Variants in CAPZB observed in about 807,000 individuals in gnomAD.
CAPZB encodes the protein F-actin-capping protein subunit beta.
A neutral mutation model predicts 38.1 loss-of-function variants in CAPZB; 2 were observed. The observed-to-expected ratio is 0.05, with a 90% CI of 0.02 to 0.17. The LOEUF (loss-of-function observed/expected upper bound fraction) is 0.17. Among genes scored for constraint, CAPZB ranks in the 10% least tolerant of loss-of-function variants. The probability of loss-of-function intolerance (pLI) is 1.00; values close to 1 mark genes in which losing one functional copy is unlikely to be tolerated. For synonymous variants in CAPZB, 107 were observed against 127.4 expected (o/e 0.84, Z 1.08); for missense variants, 161 against 334.2 (o/e 0.48, Z 4.04).
intron 1 of CAPZB, among the ~76,000 whole-genome samples, chr1:19,459,097 C>G (rs927549003): frequency 6.6e-6 from 1 of 152,220 alleles, no homozygotes; most frequent in Non-Finnish European, 1.5e-5. Flanking sequence ...TTCCAAAGGC[C>G]TCCTCCACCT....
chr1:19,456,319 A>G (rs970152054), intron 1 of CAPZB, among the ~76,000 whole-genome samples: 1 of 152,220 alleles, frequency 6.6e-6, no homozygotes, highest in Admixed American at 6.5e-5. Flanking sequence ...GAAATTTTAA[A>G]ATAATCTGAA....
chr1:19,364,184 C>T (rs866784152), intron 4 of CAPZB, among the ~76,000 whole-genome samples: 26 of 152,324 alleles, frequency 1.7e-4, no homozygotes, highest in South Asian at 1.2e-3. Flanking sequence ...ATATTTGGCA[C>T]CAACACAGTG....
At chr1:19,355,444 G>A (rs141764707) in intron 6 of CAPZB, among the ~76,000 whole-genome samples, 1 of 148,646 alleles carries the variant, frequency 6.7e-6, no homozygotes, top group East Asian at 2.0e-4. Context: ...GCAGTGAACC[G>A]AGATCACACC....
chr1:19,366,311 A>ATATATATATATATATATATAT lies in CAPZB; in HGVS notation c.330-8749_330-8748insATATATATATATATATATATA, dbSNP rs1558189927. 2.9e-3 allele frequency among the ~76,000 whole-genome samples: 186 copies of ATATATATATATATATATATAT among 63,084 alleles called. 9 individuals are homozygous for ATATATATATATATATATATAT. The highest frequency in any genetic ancestry group is 0.011 in the African/African-American group (165 of 15,318). 41.4% of individuals were successfully genotyped at this position (63,084 alleles called of 152,430 possible). A position where few individuals can be genotyped will look rare whatever the true frequency, so the allele number is the denominator to read the frequency against. The stretch of plus-strand genomic sequence containing the variant: ...ATATATATATATATATATATATATA[A>ATATATATATATATATATATAT]ATAAAATAAATGGTCATGAGGGACA... On this transcript the variant is annotated intron_variant, in intron 4 of 8. Transcript: ENST00000264202.
At chr1:19,435,850 T>A (rs1277747987) in intron 1 of CAPZB, among the ~76,000 whole-genome samples, 4 of 152,178 alleles carry the variant, frequency 2.6e-5, no homozygotes, top group Non-Finnish European at 5.9e-5. Context: ...CATCTCTTTG[T>A]TTTAAAGTCT....
chr1:19,461,291 C>T (rs2094551158), intron 1 of CAPZB, among the ~76,000 whole-genome samples: 1 of 149,334 alleles, frequency 6.7e-6, no homozygotes, highest in Non-Finnish European at 1.5e-5. Flanking sequence ...GCATAGGTCA[C>T]TGTTGCTTTG....
At position 19,341,575 on chromosome 1, in the gene CAPZB, C is replaced by A. The variant is rs552900159; in HGVS notation, c.732-1958G>T. The stretch of plus-strand genomic sequence containing the variant: ...ACGGCCAAGCAACCTCGAATCAGCG[C>A]TTGGAGACAGTGCTCGACTCTGTGG... On this transcript the variant is annotated intron_variant, in intron 8 of 8. Transcript: ENST00000264202. Among the ~76,000 whole-genome samples, 79 of 152,344 alleles carry A rather than the reference C, an allele frequency of 5.2e-4. 1 individual carries two copies. In the Middle Eastern group the frequency reaches 0.01, roughly 20 times the overall value.
At chr1:19,465,391 T>C (rs2094565768) in intron 1 of CAPZB, among the ~76,000 whole-genome samples, 1 of 152,240 alleles carries the variant, frequency 6.6e-6, no homozygotes, top group Non-Finnish European at 1.5e-5. Context: ...GCCAAGACCT[T>C]GCTTACGGAC....
At chr1:19,406,748 G>A (rs1204773250) in intron 2 of CAPZB, among the ~76,000 whole-genome samples, 1 of 152,126 alleles carries the variant, frequency 6.6e-6, no homozygotes, top group African/African-American at 2.4e-5. Context: ...TAAGCAAAGG[G>A]TCTGGAACAG....
At position 19,379,101 on chromosome 1, in the gene CAPZB, T is replaced by TTTC. The variant is rs772626246; in HGVS notation, c.216-449_216-448insGAA. The stretch of plus-strand genomic sequence containing the variant: ...TTCACCACCTATTTTTTTTTCTTTC[T>TTTC]TTTTTTTTTTTTTTTAAGACAGAGT... On this transcript the variant is annotated intron_variant, in intron 3 of 8. Coordinates refer to ENST00000264202, the MANE Select transcript of CAPZB (RefSeq NM_004930.5). Among the ~76,000 whole-genome samples the TTTC allele has an allele frequency of 2.7e-3, 72 of 27,152 alleles. 1 individual carries two copies. The highest frequency in any genetic ancestry group is 6.9e-3 in the African/African-American group (64 of 9,238). The allele number at this position is 27,152 out of a possible 152,430, so 17.8% of individuals were successfully genotyped here. A position where few individuals can be genotyped will look rare whatever the true frequency, so the allele number is the denominator to read the frequency against.
intron 6 of CAPZB, among the ~76,000 whole-genome samples, chr1:19,346,690 A>AG (rs2100256042): frequency 6.6e-6 from 1 of 151,814 alleles, no homozygotes; most frequent in East Asian, 2.0e-4. Context: ...CCTGGTTAAG[A>AG]GCGGGGTGAG....
At chr1:19,360,442 C>T (rs913148112) in intron 4 of CAPZB, among the ~76,000 whole-genome samples, 11 of 152,184 alleles carry the variant, frequency 7.2e-5, no homozygotes, top group African/African-American at 2.7e-4. Flanking sequence ...TTCATCCTTC[C>T]ACTCCTTCAC....
intron 1 of CAPZB, among the ~76,000 whole-genome samples, chr1:19,479,126 C>G (rs935872559): frequency 6.6e-6 from 1 of 152,190 alleles, no homozygotes; most frequent in African/African-American, 2.4e-5. Flanking sequence ...AAGAGAATTC[C>G]CTGAGTCTAG....
chr1:19,362,013 C>T (rs1005411623), intron 4 of CAPZB, among the ~76,000 whole-genome samples: 5 of 152,108 alleles, frequency 3.3e-5, no homozygotes, highest in Non-Finnish European at 7.3e-5. Flanking sequence ...GGAATTAATC[C>T]GCCCTGCCCT....
At chr1:19,383,076 C>CAA (rs1167897220) in intron 3 of CAPZB, among the ~76,000 whole-genome samples, 1 of 144,560 alleles carries the variant, frequency 6.9e-6, no homozygotes, top group Non-Finnish European at 1.5e-5. Flanking sequence ...CCTAGGAGTT[C>CAA]GAGGCCAGCC....
At chr1:19,416,860 C>CAAAAAAAAAAAAAAAAAAAAAAAAAAAA (rs59789230) in intron 2 of CAPZB, among the ~76,000 whole-genome samples, 8 of 69,446 alleles carry the variant, frequency 1.2e-4, no homozygotes, top group African/African-American at 4.8e-4. Context: ...GACCCTGTCT[C>CAAAAAAAAAAAAAAAAAAAAAAAAAAAA]AAAAAAAAAA....
intron 1 of CAPZB, among the ~76,000 whole-genome samples, chr1:19,454,329 C>G (rs1338159296): frequency 2.0e-5 from 3 of 152,172 alleles, no homozygotes; most frequent in Admixed American, 6.5e-5. Flanking sequence ...ATGTAAACCC[C>G]AAAGAGCAAG....
intron 1 of CAPZB, among the ~76,000 whole-genome samples, chr1:19,432,223 A>AT (rs1396996279): frequency 4.6e-5 from 7 of 151,966 alleles, no homozygotes; most frequent in Admixed American, 2.0e-4. Context: ...TAGGCAGATC[A>AT]TTGAGGCCAG....
intron 1 of CAPZB, among the ~76,000 whole-genome samples, chr1:19,449,799 AAGAG>A (rs1198804929): frequency 1.3e-4 from 20 of 150,442 alleles, no homozygotes; most frequent in Non-Finnish European, 2.7e-4. Flanking sequence ...AAAAAAAAAA[AAGAG>A]AGAGACAGAG....
Sources: gnomAD v4.1 joint callset for allele counts (sites outside exome capture counted in the v4.1 genomes callset) on GRCh38, gnomAD v4.1.1 for gene constraint, MANE v1.5 for transcripts, NCBI Gene and HGNC (gene_info 2026-07-23, HGNC 2026-07-21) for gene names.